Variants in BCAS4 observed in about 807,000 individuals in gnomAD.
BCAS4 encodes the protein breast carcinoma-amplified sequence 4.
BCAS4 carries 9 observed loss-of-function variants against 15.7 expected under a neutral mutation model. The ratio of observed to expected loss-of-function variants is 0.57; its 90% CI spans 0.34 to 1.00. The LOEUF (loss-of-function observed/expected upper bound fraction) is 1.00. Among genes scored for constraint, BCAS4 ranks in the 50% least tolerant of loss-of-function variants. The pLI, the probability that BCAS4 is intolerant of heterozygous loss-of-function variation, is 0.02. For synonymous variants in BCAS4, 101 were observed against 99.5 expected, an observed-to-expected ratio of 1.02 and a Z score of -0.09; for missense variants, 225 against 239.1, an observed-to-expected ratio of 0.94 and a Z score of 0.39.
At chr20:50,838,948 G>T (rs1268815242) in intron 3 of BCAS4, among the ~76,000 whole-genome samples, 1 of 152,174 alleles carries the variant, frequency 6.6e-6, no homozygotes, top group Non-Finnish European at 1.5e-5. Flanking sequence ...AGGTGCAGAG[G>T]CCCTGTGGGG....
downstream of BCAS4, chr20:50,878,713 T>C (rs1266090169): frequency 6.6e-6 from 1 of 152,218 alleles, no homozygotes; most frequent in Non-Finnish European, 1.5e-5. Context: ...TTGTTCAGGC[T>C]GGTCTTGAAC....
At chr20:50,798,890 T>A (rs1360686819) in intron 1 of BCAS4, among the ~76,000 whole-genome samples, 1 of 152,220 alleles carries the variant, frequency 6.6e-6, no homozygotes, top group Non-Finnish European at 1.5e-5. Flanking sequence ...ATGTTGATTT[T>A]ATAGGTCAGC....
At chr20:50,836,299 G>T (rs1417027913) in intron 3 of BCAS4, among the ~76,000 whole-genome samples, 1 of 152,166 alleles carries the variant, frequency 6.6e-6, no homozygotes, top group Non-Finnish European at 1.5e-5. Flanking sequence ...ATTGTATGGG[G>T]CAGGTGGACT....
At chr20:50,829,881 C>T (rs368390702) in intron 2 of BCAS4, among the ~76,000 whole-genome samples, 4 of 152,202 alleles carry the variant, frequency 2.6e-5, no homozygotes, top group African/African-American at 4.8e-5. Context: ...GAATATTATT[C>T]GTAATGATCA....
intron 4 of BCAS4, among the ~76,000 whole-genome samples, chr20:50,856,522 C>T (rs1978767514): frequency 6.6e-6 from 1 of 152,198 alleles, no homozygotes; most frequent in African/African-American, 2.4e-5. Flanking sequence ...CTGGGCATCT[C>T]CAAGCACCAA....
intron 3 of BCAS4, among the ~76,000 whole-genome samples, chr20:50,836,897 T>C (rs763384033): frequency 3.3e-5 from 5 of 152,010 alleles, no homozygotes; most frequent in Non-Finnish European, 4.4e-5. Context: ...TCTGTAGAGA[T>C]GGAATTTTGC....
intron 1 of BCAS4, among the ~76,000 whole-genome samples, chr20:50,797,971 G>A (rs1046640187): frequency 1.3e-5 from 2 of 151,750 alleles, no homozygotes; most frequent in South Asian, 2.1e-4. Flanking sequence ...GGCCACCTAC[G>A]CAATTTTTAG....
chr20:50,809,070 C>T (rs933548626), intron 1 of BCAS4, among the ~76,000 whole-genome samples: 3 of 152,146 alleles, frequency 2.0e-5, no homozygotes, highest in South Asian at 2.1e-4. Flanking sequence ...ATTATCCCAG[C>T]AGCATTTGTT....
At chr20:50,841,177 G>A (rs888513418) in intron 3 of BCAS4, among the ~76,000 whole-genome samples, 16 of 152,100 alleles carry the variant, frequency 1.1e-4, no homozygotes, top group African/African-American at 3.9e-4. Flanking sequence ...GAGCTGAGTG[G>A]TCCCTGTGGG....
rs372574118 is a variant in BCAS4 at position 50,841,747 on chromosome 20, G to A, written c.265-19G>A. ...CAGCCTGCACAGATGCGGCATCATG[G>A]CTTCTCCGTGTCCCTCAGGCCTTCG... On this transcript the variant is annotated intron_variant, in intron 3 of 4. Transcript: ENST00000371608. The A allele has an allele frequency of 6.2e-7, 1 of 1,613,932 alleles. No homozygotes were observed. Among genetic ancestry groups the A allele is most frequent in the South Asian group, 1.1e-5 (1 of 91,082 alleles).
At chr20:50,871,372 C>A (rs1162226193) in intron 4 of BCAS4, among the ~76,000 whole-genome samples, 1 of 152,226 alleles carries the variant, frequency 6.6e-6, no homozygotes, top group Non-Finnish European at 1.5e-5. Flanking sequence ...GGAAATGGTC[C>A]TGTCCACCCG....
At chr20:50,818,020 A>G (rs1012743837) in intron 1 of BCAS4, among the ~76,000 whole-genome samples, 191 bp from the exon 2 acceptor site, 3 of 152,160 alleles carry the variant, frequency 2.0e-5, no homozygotes, top group Admixed American at 1.3e-4. Flanking sequence ...GGCTTTAACC[A>G]GTCCTCCGTG....
At chr20:50,863,023 GT>G (rs1446558230) in intron 4 of BCAS4, among the ~76,000 whole-genome samples, 1 of 152,072 alleles carries the variant, frequency 6.6e-6, no homozygotes, top group Non-Finnish European at 1.5e-5. Context: ...TAGAGATGGA[GT>G]TTTACCATGT....
chr20:50,872,104 C>CA (rs1178820069), intron 4 of BCAS4, among the ~76,000 whole-genome samples: 1 of 151,124 alleles, frequency 6.6e-6, no homozygotes, highest in Non-Finnish European at 1.5e-5. Context: ...TACAAAAATA[C>CA]AAAAAAATTA....
chr20:50,855,902 C>T (rs1600892321), intron 4 of BCAS4, among the ~76,000 whole-genome samples: 1 of 152,204 alleles, frequency 6.6e-6, no homozygotes, highest in Admixed American at 6.5e-5. Flanking sequence ...AAACTATCAG[C>T]GGATAATAAC....
At chr20:50,857,877 C>T (rs746697212) in intron 4 of BCAS4, among the ~76,000 whole-genome samples, 10 of 152,118 alleles carry the variant, frequency 6.6e-5, no homozygotes, top group Non-Finnish European at 1.5e-4. Flanking sequence ...TGAGGGTGGG[C>T]GGCTCAGCCA....
In BCAS4 at chr20:50,795,182, C is replaced by T; in HGVS notation, c.90+9C>T. The T allele has an allele frequency of 4.9e-6, 7 of 1,434,596 alleles. No individual in the cohort carries two copies. The highest frequency in any genetic ancestry group is 6.4e-6 in the Non-Finnish European group (7 of 1,086,664). 88.9% of individuals were successfully genotyped at this position (1,434,596 alleles called of 1,614,324 possible). ...CCGAGCCTGGGGCCGAGGTAGGGGACGGGGCTGTGGAGTTGGAGGAGAGGG... is the reference window on the plus strand; with the variant it reads ...CCGAGCCTGGGGCCGAGGTAGGGGATGGGGCTGTGGAGTTGGAGGAGAGGG... On this transcript the variant is annotated intron_variant, in intron 1 of 4. Transcript: ENST00000371608.
chr20:50,833,224 G>A (rs1288691081), intron 3 of BCAS4, among the ~76,000 whole-genome samples: 2 of 152,140 alleles, frequency 1.3e-5, no homozygotes, highest in Non-Finnish European at 2.9e-5. Flanking sequence ...GCCAGGTATT[G>A]GGGGCAAAGG....
chr20:50,879,192 T>C (rs1980066776), downstream of BCAS4: 1 of 152,188 alleles, frequency 6.6e-6, no homozygotes, highest in Non-Finnish European at 1.5e-5. Context: ...ACACTCTGCA[T>C]GCCCCAGTGT....
Sources: gnomAD v4.1 joint callset for allele counts (sites outside exome capture counted in the v4.1 genomes callset) on GRCh38, gnomAD v4.1.1 for gene constraint, MANE v1.5 for transcripts, NCBI Gene and HGNC (gene_info 2026-07-23, HGNC 2026-07-21) for gene names.